Variants in STAG1 observed in about 807,000 individuals in gnomAD.
STAG1 encodes the protein cohesin subunit SA-1.
A neutral mutation model predicts 170.9 loss-of-function variants in STAG1; 26 were observed. That is an observed-to-expected ratio of 0.15 (90% confidence interval 0.11 to 0.21). STAG1 has a LOEUF of 0.21. Among genes scored for constraint, STAG1 ranks in the 10% least tolerant of loss-of-function variants. The pLI is 1.00. For missense variants in STAG1, 964 were observed against 1,509.5 expected (o/e 0.64, Z 5.99); for synonymous variants, 514 against 497.7 (o/e 1.03, Z -0.44).
chr3:136,633,626 G>A (rs1940419047), intron 1 of STAG1, among the ~76,000 whole-genome samples: 1 of 148,478 alleles, frequency 6.7e-6, no homozygotes, highest in Non-Finnish European at 1.5e-5. Context: ...CTTGAACTCG[G>A]AAGGCAGAGG....
chr3:136,426,519 A>G (rs2088129589), intron 16 of STAG1, among the ~76,000 whole-genome samples: 1 of 152,262 alleles, frequency 6.6e-6, no homozygotes. Flanking sequence ...ATATGTAGAT[A>G]TTTAACATTC....
At chr3:136,399,421 T>TAG (rs1421815115) in intron 21 of STAG1, among the ~76,000 whole-genome samples, 1 of 152,234 alleles carries the variant, frequency 6.6e-6, no homozygotes, top group Admixed American at 6.5e-5. Flanking sequence ...TATATTTTAA[T>TAG]TACCTAAGTC....
chr3:136,701,852 A>G (rs1157360733), intron 1 of STAG1, among the ~76,000 whole-genome samples: 1 of 152,212 alleles, frequency 6.6e-6, no homozygotes, highest in Non-Finnish European at 1.5e-5. Context: ...GATACAGACT[A>G]GAGAAAAAAA....
At chr3:136,606,148 T>C (rs144992923) in intron 3 of STAG1, among the ~76,000 whole-genome samples, 39 of 151,994 alleles carry the variant, frequency 2.6e-4, no homozygotes, top group African/African-American at 9.2e-4. Context: ...TTTGTTACAA[T>C]AAACCAATAC....
intron 1 of STAG1, among the ~76,000 whole-genome samples, chr3:136,679,233 T>A (rs994478786): frequency 4.6e-5 from 7 of 152,060 alleles, no homozygotes; most frequent in African/African-American, 1.7e-4. Flanking sequence ...ACAAAAAATA[T>A]AGAAATCCTT....
chr3:136,446,127 T>C (rs1013606437), intron 14 of STAG1, among the ~76,000 whole-genome samples: 11 of 151,674 alleles, frequency 7.3e-5, no homozygotes, highest in African/African-American at 2.7e-4. Flanking sequence ...CCTTAGCCTA[T>C]TTTTCACTTC....
intron 27 of STAG1, 63 bp from the exon 28 acceptor site, chr3:136,357,911 A>C: frequency 7.4e-7 from 1 of 1,358,662 alleles, no homozygotes; most frequent in Admixed American, 2.4e-5. Flanking sequence ...ATTAGCTAAC[A>C]TTACACAAAT....
Position 136,495,244 on chromosome 3 carries a change from A to G in STAG1, c.902+4979T>C, listed in dbSNP as rs546026876. ...TGGGAAAACTGAAAATTTGTATGCAAAAAGTAGACTTCTGCCCTTATATCA... is the reference window on the plus strand; with the variant it reads ...TGGGAAAACTGAAAATTTGTATGCAGAAAGTAGACTTCTGCCCTTATATCA... On this transcript the variant is annotated intron_variant, in intron 9 of 33. Transcript: ENST00000383202. Among the ~76,000 whole-genome samples the G allele has an allele frequency of 2.6e-5, 4 of 152,320 alleles. No individual in the cohort carries two copies. In the South Asian group the frequency reaches 8.3e-4, roughly 32 times the overall value.
intron 1 of STAG1, among the ~76,000 whole-genome samples, chr3:136,705,248 C>T (rs150614662): frequency 2.0e-5 from 3 of 152,130 alleles, no homozygotes; most frequent in South Asian, 2.1e-4. Flanking sequence ...TGGTGGCATG[C>T]GCCTATAATC....
chr3:136,396,064 A>G (rs984106849), intron 22 of STAG1, among the ~76,000 whole-genome samples: 12 of 152,122 alleles, frequency 7.9e-5, no homozygotes, highest in Non-Finnish European at 8.8e-5. Flanking sequence ...CATGATGCCC[A>G]GCTAACTTTG....
rs764048318 is a variant in STAG1 at position 136,362,665 on chromosome 3, A to G, written c.2787+701T>C. 4.0e-5 allele frequency among the ~76,000 whole-genome samples: 6 copies of G among 151,618 alleles called. No individual in the cohort carries two copies. In the East Asian group the frequency reaches 7.7e-4, roughly 19 times the overall value. ...GAAAAGAAATTTATACGGATCATCA[A>G]TTATGAACTCTGTGACTTCTTTAGA... On this transcript the variant is annotated intron_variant, in intron 26 of 33. Coordinates refer to ENST00000383202, the MANE Select transcript of STAG1 (RefSeq NM_005862.3).
chr3:136,498,227 TATATATAC>T (rs1229908808), intron 9 of STAG1, among the ~76,000 whole-genome samples: 2 of 57,894 alleles, frequency 3.5e-5, no homozygotes, highest in African/African-American at 1.8e-4. Flanking sequence ...TATATATATA[TATATATAC>T]ACATACATAT....
intron 1 of STAG1, among the ~76,000 whole-genome samples, chr3:136,668,746 G>A (rs1192719602): frequency 6.6e-6 from 1 of 152,130 alleles, no homozygotes; most frequent in Non-Finnish European, 1.5e-5. Context: ...GTCACTGGGA[G>A]GGAGCTGCCT....
At chr3:136,448,018 T>C (rs2088833873) in intron 14 of STAG1, among the ~76,000 whole-genome samples, 1 of 152,176 alleles carries the variant, frequency 6.6e-6, no homozygotes, top group South Asian at 2.1e-4. Context: ...GGCATGCATC[T>C]AAAATACAAG....
rs557129361 is a variant in STAG1 at position 136,658,005 on chromosome 3, T to C, written c.-83-27024A>G. 7.9e-5 allele frequency among the ~76,000 whole-genome samples: 12 copies of C among 152,258 alleles called. No homozygotes were observed. In the South Asian group the frequency reaches 1.0e-3, roughly 13 times the overall value. On this transcript the variant is annotated intron_variant, in intron 1 of 33. Coordinates refer to ENST00000383202, the MANE Select transcript of STAG1 (RefSeq NM_005862.3). ...ACCAGAACTGGCAGACCAGGACTTA[T>C]GGTCACCTGCACACTATCATTTAAA...
In STAG1 at chr3:136,343,812, G is replaced by C; in HGVS notation, c.3446+20C>G. On this transcript the variant is annotated intron_variant, in intron 30 of 33. Coordinates refer to ENST00000383202, the MANE Select transcript of STAG1 (RefSeq NM_005862.3). ...TTCTTTAAAGGCTTTTTGTGAAAAA[G>C]ACAAATTTTTGCTACTTACTTGTGT... 1.3e-6 allele frequency: 2 copies of C among 1,502,892 alleles called. No homozygotes were observed. Among genetic ancestry groups the C allele is most frequent in the African/African-American group, 1.4e-5 (1 of 70,670 alleles). 93.1% of individuals were successfully genotyped at this position (1,502,892 alleles called of 1,614,324 possible).
chr3:136,622,622 G>C (rs1377798907), intron 3 of STAG1, among the ~76,000 whole-genome samples: 1 of 152,132 alleles, frequency 6.6e-6, no homozygotes, highest in East Asian at 1.9e-4. Context: ...ACATAGAACA[G>C]TATAACCCTT....
chr3:136,569,628 A>T (rs544961328), intron 4 of STAG1, among the ~76,000 whole-genome samples: 1 of 152,160 alleles, frequency 6.6e-6, no homozygotes, highest in South Asian at 2.1e-4. Flanking sequence ...CCTTTCCTAC[A>T]GTTGATAAGA....
chr3:136,684,272 T>A (rs1942435890), intron 1 of STAG1, among the ~76,000 whole-genome samples: 1 of 152,170 alleles, frequency 6.6e-6, no homozygotes, highest in African/African-American at 2.4e-5. Context: ...CGTAGCAACT[T>A]CAAGATTTAC....
Sources: gnomAD v4.1 joint callset for allele counts (sites outside exome capture counted in the v4.1 genomes callset) on GRCh38, gnomAD v4.1.1 for gene constraint, MANE v1.5 for transcripts, NCBI Gene and HGNC (gene_info 2026-07-23, HGNC 2026-07-21) for gene names.